The following FAM120A variants were observed in gnomAD, a reference collection of about 807,000 sequenced individuals.
FAM120A encodes constitutive coactivator of PPAR-gamma-like protein 1.
Under a neutral mutation model 109.7 loss-of-function variants are expected in FAM120A, and 15 were observed. The observed-to-expected ratio is 0.14, with a 90% CI of 0.09 to 0.21. The LOEUF (loss-of-function observed/expected upper bound fraction) is 0.21. Ranked by LOEUF, FAM120A falls within the 10% of genes least tolerant of loss-of-function variation. FAM120A has a pLI of 1.00. For missense variants in FAM120A, 899 were observed against 1,439.3 expected, an observed-to-expected ratio of 0.62 and a Z score of 6.07; for synonymous variants, 493 against 572.8, an observed-to-expected ratio of 0.86 and a Z score of 1.99.
Position 93,529,595 on chromosome 9 carries a change from G to T in FAM120A, c.1734+15G>T, listed in dbSNP as rs1382000569. On this transcript the variant is annotated intron_variant, in intron 9 of 17. Coordinates refer to ENST00000277165, the MANE Select transcript of FAM120A (RefSeq NM_014612.5). The stretch of plus-strand genomic sequence containing the variant: ...TCCTGACGAAGGTATTATCAAAGGG[G>T]CCCTGGAGTGGCTTCTGTTATTTGA... 3 of 1,610,890 alleles carry T rather than the reference G, an allele frequency of 1.9e-6. No individual in the cohort carries two copies. Among genetic ancestry groups the T allele is most frequent in the Non-Finnish European group, 2.5e-6 (3 of 1,177,034 alleles).
Position 93,476,319 on chromosome 9 carries a change from A to G in FAM120A, c.785A>G (p.His262Arg). The stretch of plus-strand genomic sequence containing the variant: ...CACTGGAGTTTACTTGGTCCAGAAC[A>G]TCCACTAGCCTCACTAAAGGTACAA... ...SFHWSLLGPE[H>R]PLASLKVRAH... Residue 262 changes from histidine to arginine, a missense_variant, in exon 3 of 18, where the codon CAT becomes CGT. Coordinates refer to ENST00000277165, the MANE Select transcript of FAM120A (RefSeq NM_014612.5). 1 of 1,605,362 alleles carries G rather than the reference A, an allele frequency of 6.2e-7. No individual in the cohort carries two copies. The highest frequency in any genetic ancestry group is 8.5e-7 in the Non-Finnish European group (1 of 1,172,346).
At chr9:93,483,687 C>G (rs1265823318) in intron 3 of FAM120A, among the ~76,000 whole-genome samples, 1 of 152,136 alleles carries the variant, frequency 6.6e-6, no homozygotes, top group African/African-American at 2.4e-5. Flanking sequence ...ATAAAAATGT[C>G]TGTCTTGCTA....
intron 5 of FAM120A, among the ~76,000 whole-genome samples, chr9:93,507,757 C>T (rs528948135): frequency 1.3e-5 from 2 of 152,240 alleles, no homozygotes; most frequent in African/African-American, 2.4e-5. Flanking sequence ...GGGCAGGCTT[C>T]GGCTGAATTT....
chr9:93,561,175 C>A lies in FAM120A; in HGVS notation c.2873C>A (p.Ala958Asp), dbSNP rs1258381984. 1.2e-6 allele frequency: 2 copies of A among 1,613,904 alleles called. No homozygotes were observed. The highest frequency in any genetic ancestry group is 1.7e-6 in the Non-Finnish European group (2 of 1,179,994). The change falls in exon 16 of 18, where the codon GCT becomes GAT. Residue 958 changes from alanine (A) to aspartate (D), a missense_variant. This residue lies in a region of FAM120A where 3 missense variants were observed against 19.8 expected (regional missense o/e 0.15). Coordinates refer to ENST00000277165, the MANE Select transcript of FAM120A (RefSeq NM_014612.5). ...EIAGTVVGHW[A>D]GSRRGRGGRG... ...GCTGGCACTGTGGTTGGCCATTGGGCTGGGAGCAGGCGGGGCCGTGGGGGC... is the reference window on the plus strand; with the variant it reads ...GCTGGCACTGTGGTTGGCCATTGGGATGGGAGCAGGCGGGGCCGTGGGGGC...
At chr9:93,496,960 C>T (rs1038847927) in intron 3 of FAM120A, among the ~76,000 whole-genome samples, 3 of 152,172 alleles carry the variant, frequency 2.0e-5, no homozygotes, top group African/African-American at 7.2e-5. Context: ...CTGAAGTTGG[C>T]CTTTGAAGGT....
intron 13 of FAM120A, 77 bp downstream of exon 13, chr9:93,556,668 C>T (rs1289066368): frequency 2.0e-5 from 27 of 1,363,334 alleles, no homozygotes; most frequent in Non-Finnish European, 2.4e-5. Flanking sequence ...ATCTTTTATA[C>T]CATATTTATC....
At chr9:93,514,772 GCACCATCTACT>G (rs1451911147) in intron 5 of FAM120A, among the ~76,000 whole-genome samples, 2 of 152,190 alleles carry the variant, frequency 1.3e-5, no homozygotes, top group Non-Finnish European at 2.9e-5. Flanking sequence ...CCCTTTATGG[GCACCATCTACT>G]CACTCATTCA....
intron 12 of FAM120A, among the ~76,000 whole-genome samples, chr9:93,550,939 T>TC (rs1862074219): frequency 6.6e-6 from 1 of 152,254 alleles, no homozygotes; most frequent in East Asian, 1.9e-4. Flanking sequence ...GAGAATGATT[T>TC]CCCCTTGTTT....
At chr9:93,562,429 T>C (rs1862499249) in intron 17 of FAM120A, 125 bp downstream of exon 17, 1 of 685,212 alleles carries the variant, frequency 1.5e-6, no homozygotes, top group Non-Finnish European at 2.6e-6. Context: ...AGCTGTCAAG[T>C]GTCTAACACA....
chr9:93,510,479 A>C (rs1860266696), intron 5 of FAM120A, among the ~76,000 whole-genome samples: 1 of 152,204 alleles, frequency 6.6e-6, no homozygotes, highest in African/African-American at 2.4e-5. Flanking sequence ...AGTTCAGTTT[A>C]CCAGTGACTT....
At position 93,551,607 on chromosome 9, in the gene FAM120A, T is replaced by A. The variant is rs146626046; in HGVS notation, c.2274+916T>A. 5.9e-5 allele frequency among the ~76,000 whole-genome samples: 9 copies of A among 152,342 alleles called. No individual in the cohort carries two copies. In the East Asian group the frequency reaches 1.7e-3, roughly 29 times the overall value. On this transcript the variant is annotated intron_variant, in intron 12 of 17. Coordinates refer to ENST00000277165, the MANE Select transcript of FAM120A (RefSeq NM_014612.5). ...CTTTAGATCTTTTTGGCATTCTTTA[T>A]GAAGGCATTCTTTCCATGGAGGGGA... is the stretch of plus-strand genomic sequence containing the variant.
intron 7 of FAM120A, among the ~76,000 whole-genome samples, chr9:93,518,806 A>G (rs142150787): frequency 6.6e-6 from 1 of 152,366 alleles, no homozygotes; most frequent in African/African-American, 2.4e-5. Context: ...GATGTGTTCT[A>G]CGTGCCACGG....
chr9:93,537,647 A>G (rs998741606), intron 10 of FAM120A, among the ~76,000 whole-genome samples: 6 of 152,144 alleles, frequency 3.9e-5, no homozygotes, highest in African/African-American at 1.4e-4. Flanking sequence ...GTATTTTTAA[A>G]CCACCAAGAA....
chr9:93,497,448 G>GAC, intron 3 of FAM120A, 23 bp from the exon 4 acceptor site: 6 of 1,611,222 alleles, frequency 3.7e-6, no homozygotes, highest in Non-Finnish European at 5.1e-6. Context: ...ATCCACTGTT[G>GAC]ACACTTACGT....
intron 3 of FAM120A, among the ~76,000 whole-genome samples, chr9:93,481,080 C>T (rs900271680): frequency 6.6e-6 from 1 of 152,128 alleles, no homozygotes; most frequent in Non-Finnish European, 1.5e-5. Context: ...GCTGGCCATT[C>T]GGTCTGCCTG....
intron 3 of FAM120A, among the ~76,000 whole-genome samples, chr9:93,496,640 G>A (rs776077544): frequency 7.2e-5 from 11 of 152,102 alleles, no homozygotes; most frequent in Non-Finnish European, 5.9e-5. Flanking sequence ...GGCTTGTCTG[G>A]GTAATCCAGG....
chr9:93,454,266 T>C (rs1232777908), intron 1 of FAM120A, among the ~76,000 whole-genome samples: 3 of 152,342 alleles, frequency 2.0e-5, no homozygotes, highest in East Asian at 3.9e-4. Context: ...TAGTGCGAAT[T>C]GCACAAAATG....
Position 93,562,188 on chromosome 9 carries a change from G to C in FAM120A, c.2949-20G>C. On this transcript the variant is annotated intron_variant, in intron 16 of 17. Transcript: ENST00000277165. ...GTAACAGATTTAAGTGTTTACTGTT[G>C]TCCTTTTTCATTCATTTAGGCGTCC... 1 of 1,581,914 alleles carries C rather than the reference G, an allele frequency of 6.3e-7. No homozygotes were observed. The highest frequency in any genetic ancestry group is 8.7e-7 in the Non-Finnish European group (1 of 1,150,706).
At chr9:93,475,042 G>A (rs1344632558) in intron 2 of FAM120A, among the ~76,000 whole-genome samples, 2 of 152,188 alleles carry the variant, frequency 1.3e-5, no homozygotes, top group East Asian at 3.8e-4. Flanking sequence ...TGTGTGTTTG[G>A]AATACAGGTG....
Sources: gnomAD v4.1 joint callset for allele counts (sites outside exome capture counted in the v4.1 genomes callset) on GRCh38, gnomAD v4.1.1 for gene constraint, gnomAD v4.1.1 regional missense constraint, MANE v1.5 for transcripts, NCBI Gene and HGNC (gene_info 2026-07-23, HGNC 2026-07-21) for gene names.